The following GALNT1 variants were observed in gnomAD, a reference collection of about 807,000 sequenced individuals.
GALNT1 encodes the protein GalNAc transferase 1.
Under a neutral mutation model 65.7 loss-of-function variants are expected in GALNT1, and 17 were observed. That is an observed-to-expected ratio of 0.26 (90% CI 0.18 to 0.39). The LOEUF is 0.39. GALNT1 is among the 10% of genes least tolerant of loss of function. The probability of loss-of-function intolerance (pLI) is 1.00; values close to 1 mark genes in which losing one functional copy is unlikely to be tolerated. For missense variants in GALNT1, 460 were observed against 672.8 expected, an observed-to-expected ratio of 0.68 and a Z score of 3.50; for synonymous variants, 210 against 219.7, an observed-to-expected ratio of 0.96 and a Z score of 0.39.
intron 1 of GALNT1, among the ~76,000 whole-genome samples, chr18:35,618,158 A>C (rs1376440005): frequency 6.6e-6 from 1 of 152,076 alleles, no homozygotes; most frequent in Non-Finnish European, 1.5e-5. Context: ...AGATAGCATT[A>C]TGTGCAGTAC....
At chr18:35,592,416 G>GT (rs1430229134) in intron 1 of GALNT1, among the ~76,000 whole-genome samples, 20 of 152,108 alleles carry the variant, frequency 1.3e-4, no homozygotes, top group Admixed American at 1.3e-3. Flanking sequence ...GAGGATTCTG[G>GT]TAAAAAAGAA....
At position 35,654,763 on chromosome 18, in the gene GALNT1, G is replaced by A; in HGVS notation, c.101G>A (p.Cys34Tyr). The A allele has an allele frequency of 6.4e-7, 1 of 1,567,842 alleles. No homozygotes were observed. The highest frequency in any genetic ancestry group is 1.2e-5 in the South Asian group (1 of 83,904). Residue 34 changes from cysteine to tyrosine, a missense_variant, in exon 2 of 12, where the codon TGT becomes TAT. Transcript: ENST00000269195. ...LLLYFSECNK[C>Y]DEKKERGLPA... is the part of the protein sequence containing the mutation. Reference sequence around the variant, plus strand: ...CTTTACTTCAGTGAATGCAACAAATGTGATGAAAAAAAGGAGAGAGGACTT... The same window carrying A: ...CTTTACTTCAGTGAATGCAACAAATATGATGAAAAAAAGGAGAGAGGACTT...
intron 3 of GALNT1, among the ~76,000 whole-genome samples, chr18:35,668,722 A>G (rs2144502372): frequency 1.3e-5 from 2 of 152,262 alleles, no homozygotes; most frequent in South Asian, 2.1e-4. Context: ...TGTAGATAAC[A>G]ATGCTGCATT....
intron 1 of GALNT1, among the ~76,000 whole-genome samples, chr18:35,637,967 G>T (rs2047113343): frequency 6.6e-6 from 1 of 152,204 alleles, no homozygotes; most frequent in African/African-American, 2.4e-5. Flanking sequence ...CAGCATATCT[G>T]TTTACAACAT....
rs1386060297 is a variant in GALNT1 at position 35,711,000 on chromosome 18, G to A, written c.*1230G>A. Reference sequence around the variant, plus strand: ...AAATTTGACTGAAAATGTTTAATTGGCATTTTTTAATGACTTAGCCAAAGA... The same window carrying A: ...AAATTTGACTGAAAATGTTTAATTGACATTTTTTAATGACTTAGCCAAAGA... On this transcript the variant is annotated 3_prime_UTR_variant, in exon 12 of 12. Transcript: ENST00000269195. The A allele has an allele frequency of 1.3e-5, 2 of 152,324 alleles. No individual in the cohort carries two copies. The highest frequency in any genetic ancestry group is 4.8e-5 in the African/African-American group (2 of 41,324). The allele number at this position is 152,324 out of a possible 1,614,324, so 9.4% of individuals were successfully genotyped here.
At chr18:35,607,334 T>C (rs187548168) in intron 1 of GALNT1, among the ~76,000 whole-genome samples, 15 of 152,080 alleles carry the variant, frequency 9.9e-5, no homozygotes, top group Non-Finnish European at 2.2e-4. Context: ...CACTAATCCT[T>C]CTGCTGGGGT....
At chr18:35,691,536 T>C (rs1205010098) in intron 8 of GALNT1, among the ~76,000 whole-genome samples, 1 of 152,024 alleles carries the variant, frequency 6.6e-6, no homozygotes, top group Non-Finnish European at 1.5e-5. Context: ...ATATGACTTT[T>C]TCTTGATTCT....
chr18:35,681,928 C>T (rs80135456), intron 4 of GALNT1, among the ~76,000 whole-genome samples: 3,054 of 152,080 alleles, frequency 0.02, 26 homozygotes, highest in Admixed American at 0.025. Context: ...CTAAATTATG[C>T]ATAATAACTT....
rs546534773 is a variant in GALNT1 at position 35,632,470 on chromosome 18, A to G, written c.-103-22090A>G. 7.4e-3 allele frequency among the ~76,000 whole-genome samples: 1,122 copies of G among 152,326 alleles called. 13 individuals carry two copies. Among genetic ancestry groups the G allele is most frequent in the African/African-American group, 0.024 (1,013 of 41,580 alleles). On this transcript the variant is annotated intron_variant, in intron 1 of 11. Coordinates refer to ENST00000269195, the MANE Select transcript of GALNT1 (RefSeq NM_020474.4). ...GGGGAAAGGATTCCCTATTTAACCA[A>G]TGGTGCTGGGAAAACTGGCTAGCCA...
At chr18:35,690,354 A>C (rs1487402139) in intron 7 of GALNT1, among the ~76,000 whole-genome samples, 1 of 152,210 alleles carries the variant, frequency 6.6e-6, no homozygotes, top group Admixed American at 6.5e-5. Flanking sequence ...AGGGGTGAAC[A>C]GATGAGCATC....
rs555579397 is a variant in GALNT1, at chr18:35,670,966, C to A, written c.315-6625C>A. Among the ~76,000 whole-genome samples, 43 of 152,166 alleles carry A rather than the reference C, an allele frequency of 2.8e-4. 1 individual carries two copies. The highest frequency in any genetic ancestry group is 9.6e-4 in the African/African-American group (40 of 41,528). ...TTTACCTCACATCATACAGAAAAAT[C>A]AATTTTATATGTATTACCTGAAATA... is the stretch of plus-strand genomic sequence containing the variant. On this transcript the variant is annotated intron_variant, in intron 3 of 11. Transcript: ENST00000269195.
chr18:35,684,868 A>C (rs1333618404), intron 5 of GALNT1, among the ~76,000 whole-genome samples: 8 of 152,326 alleles, frequency 5.3e-5, no homozygotes, highest in East Asian at 1.9e-4. Context: ...ATAGGAGACA[A>C]AAACCTAGGT....
At chr18:35,602,496 G>A (rs539342142) in intron 1 of GALNT1, among the ~76,000 whole-genome samples, 2 of 152,110 alleles carry the variant, frequency 1.3e-5, no homozygotes, top group African/African-American at 4.8e-5. Context: ...GTGATTCTTA[G>A]ATCTTCTGTT....
At chr18:35,645,302 C>T (rs2047216918) in intron 1 of GALNT1, among the ~76,000 whole-genome samples, 1 of 139,040 alleles carries the variant, frequency 7.2e-6, no homozygotes, top group African/African-American at 2.7e-5. Context: ...GCAATCTCAG[C>T]TCACTGCAAG....
At chr18:35,633,581 T>TA (rs889814680) in intron 1 of GALNT1, among the ~76,000 whole-genome samples, 2 of 151,308 alleles carry the variant, frequency 1.3e-5, no homozygotes, top group Non-Finnish European at 2.9e-5. Context: ...AATTAGGAGA[T>TA]ACACCTAATA....
intron 1 of GALNT1, among the ~76,000 whole-genome samples, chr18:35,618,035 CTT>C (rs35456192): frequency 1.4e-4 from 20 of 138,674 alleles, no homozygotes; most frequent in Non-Finnish European, 9.5e-5. Context: ...CTTTGCTGTT[CTT>C]TTTTTTTTTT....
In GALNT1 at chr18:35,663,644, A is replaced by G. The variant is rs367800500; in HGVS notation, c.156A>G (p.Gln52=). The G allele has an allele frequency of 3.1e-6, 5 of 1,612,702 alleles. No homozygotes were observed. Among genetic ancestry groups the G allele is most frequent in the African/African-American group, 2.7e-5 (2 of 74,772 alleles). The change falls in exon 3 of 12, where the codon CAA becomes CAG. Residue 52 remains glutamine, a synonymous_variant. Coordinates refer to ENST00000269195, the MANE Select transcript of GALNT1 (RefSeq NM_020474.4). ...TATTCTTAGTTCTAGAGCCAGTACA[A>G]AAGCCTCATGAAGGTCCTGGAGAAA... ...LPAGDVLEPV[Q]KPHEGPGEMG...
At chr18:35,599,065 T>G (rs1445578378) in intron 1 of GALNT1, among the ~76,000 whole-genome samples, 1 of 151,682 alleles carries the variant, frequency 6.6e-6, no homozygotes. Flanking sequence ...TAGCCCATTT[T>G]ACAATTGGAT....
intron 1 of GALNT1, among the ~76,000 whole-genome samples, chr18:35,600,709 T>C (rs2046571510): frequency 6.6e-6 from 1 of 151,988 alleles, no homozygotes; most frequent in South Asian, 2.1e-4. Context: ...TTCTATACCA[T>C]TAACATTCTA....
Sources: allele counts gnomAD v4.1 joint callset (sites outside exome capture counted in the v4.1 genomes callset), GRCh38; gene constraint gnomAD v4.1.1; transcripts MANE v1.5; gene names NCBI Gene and HGNC (gene_info 2026-07-23, HGNC 2026-07-21).